Variants in SH3GL3 observed in about 807,000 individuals in gnomAD.
The protein encoded by SH3GL3 is endophilin-A3.
In SH3GL3, 33 loss-of-function variants were observed where a neutral mutation model predicts 47.7. The observed-to-expected ratio is 0.69, with a 90% CI of 0.52 to 0.92. SH3GL3 has a LOEUF of 0.92. Among genes scored for constraint, SH3GL3 ranks in the 40% least tolerant of loss-of-function variants. The pLI is 0.00. For synonymous variants in SH3GL3, 155 were observed against 148.8 expected, an observed-to-expected ratio of 1.04 and a Z score of -0.30; for missense variants, 363 against 417.8, an observed-to-expected ratio of 0.87 and a Z score of 1.14.
chr15:83,613,134 G>C (rs903098964), intron 8 of SH3GL3, among the ~76,000 whole-genome samples: 1 of 152,204 alleles, frequency 6.6e-6, no homozygotes, highest in African/African-American at 2.4e-5. Context: ...GTATAATTCA[G>C]GGCAGCCAGT....
chr15:83,572,036 C>T (rs1340949106), intron 4 of SH3GL3, among the ~76,000 whole-genome samples: 3 of 152,168 alleles, frequency 2.0e-5, no homozygotes, highest in Non-Finnish European at 4.4e-5. Flanking sequence ...GTGACACTGG[C>T]AGGCTTTCTT....
chr15:83,578,605 C>G (rs2059747859), intron 6 of SH3GL3, among the ~76,000 whole-genome samples: 1 of 151,898 alleles, frequency 6.6e-6, no homozygotes, highest in South Asian at 2.1e-4. Flanking sequence ...TTTCCCATGC[C>G]CATTAAACCA....
intron 3 of SH3GL3, among the ~76,000 whole-genome samples, chr15:83,566,363 AGAGTGTGTGTGT>A (rs1352799534): frequency 8.6e-5 from 11 of 128,326 alleles, no homozygotes; most frequent in Middle Eastern, 4.1e-3. Context: ...AGAGAGAGAG[AGAGTGTGTGTGT>A]GTGTGTGTGT....
In SH3GL3 at chr15:83,618,500, T is replaced by G; in HGVS notation, c.*213T>G. On this transcript the variant is annotated 3_prime_UTR_variant, in exon 9 of 9. Transcript: ENST00000427482. Reference sequence around the variant, plus strand: ...TGAAAATATTTTCTTTTTTGCTTCCTGTCCTAAAAGTCATTGGTTAAATGT... The same window carrying G: ...TGAAAATATTTTCTTTTTTGCTTCCGGTCCTAAAAGTCATTGGTTAAATGT... The G allele has an allele frequency of 1.9e-6, 1 of 533,018 alleles. No homozygotes were observed. Among genetic ancestry groups the G allele is most frequent in the Non-Finnish European group, 3.4e-6 (1 of 298,470 alleles). The allele number at this position is 533,018 out of a possible 1,614,324, so 33.0% of individuals were successfully genotyped here. A position where few individuals can be genotyped will look rare whatever the true frequency, so the allele number is the denominator to read the frequency against.
chr15:83,619,757 C>G (rs770572167), downstream of SH3GL3, among the ~76,000 whole-genome samples: 1 of 152,156 alleles, frequency 6.6e-6, no homozygotes, highest in South Asian at 2.1e-4. Context: ...ACTGACTGAT[C>G]AGGGTGGGGT....
At chr15:83,574,774 CGTTTT>C (rs2059630134) in intron 5 of SH3GL3, among the ~76,000 whole-genome samples, 2 of 152,192 alleles carry the variant, frequency 1.3e-5, no homozygotes, top group South Asian at 4.1e-4. Context: ...TCCCTGGTGA[CGTTTT>C]GCTTTGTGCT....
At chr15:83,472,424 G>T (rs552706581) in intron 1 of SH3GL3, among the ~76,000 whole-genome samples, 2 of 151,974 alleles carry the variant, frequency 1.3e-5, no homozygotes, top group East Asian at 3.9e-4. Context: ...TTTTCTCTCT[G>T]TTGTTCAGAT....
intron 1 of SH3GL3, among the ~76,000 whole-genome samples, chr15:83,558,949 G>C (rs2045105590): frequency 6.6e-6 from 1 of 152,138 alleles, no homozygotes; most frequent in Non-Finnish European, 1.5e-5. Context: ...TTTGTGTGTT[G>C]ACTCTTTGGG....
At chr15:83,599,391 C>T (rs1448368789) in intron 8 of SH3GL3, among the ~76,000 whole-genome samples, 1 of 152,176 alleles carries the variant, frequency 6.6e-6, no homozygotes, top group Admixed American at 6.5e-5. Context: ...TTGTATCATT[C>T]TTATGTCTTT....
chr15:83,535,339 G>T (rs1162242541), intron 1 of SH3GL3, among the ~76,000 whole-genome samples: 1 of 152,142 alleles, frequency 6.6e-6, no homozygotes, highest in Non-Finnish European at 1.5e-5. Context: ...GGAGAATGAC[G>T]TACATTAATT....
chr15:83,449,465 C>T (rs1297019750), intron 1 of SH3GL3, among the ~76,000 whole-genome samples: 1 of 152,154 alleles, frequency 6.6e-6, no homozygotes, highest in East Asian at 1.9e-4. Flanking sequence ...AAATGAACCT[C>T]CTCTTTTGAA....
chr15:83,589,294 A>T (rs2060032294), intron 8 of SH3GL3, among the ~76,000 whole-genome samples: 1 of 152,212 alleles, frequency 6.6e-6, no homozygotes, highest in Non-Finnish European at 1.5e-5. Context: ...AGCCACTGTT[A>T]AAAAAATTTG....
chr15:83,612,901 C>T (rs1409679073), intron 8 of SH3GL3, among the ~76,000 whole-genome samples: 1 of 152,198 alleles, frequency 6.6e-6, no homozygotes, highest in African/African-American at 2.4e-5. Context: ...CTGGCTCTAG[C>T]ATGAAAGCCT....
chr15:83,565,693 A>G (rs1251793838), intron 3 of SH3GL3: 1 of 152,286 alleles, frequency 6.6e-6, no homozygotes, highest in Non-Finnish European at 1.5e-5. Flanking sequence ...TCTCCACTGA[A>G]GGTCTGGGTT....
At chr15:83,627,134 C>T in the SH3GL3 span, among the ~76,000 whole-genome samples, 1 of 152,162 alleles carries the variant, frequency 6.6e-6, no homozygotes, top group East Asian at 1.9e-4. Context: ...CGGTGGCTCA[C>T]ACCTTGTAAT....
At position 83,587,057 on chromosome 15, in the gene SH3GL3, G is replaced by T. The variant is rs757729688; in HGVS notation, c.699G>T (p.Leu233=). 1.5e-5 allele frequency: 24 copies of T among 1,608,418 alleles called. No homozygotes were observed. Among genetic ancestry groups the T allele is most frequent in the Non-Finnish European group, 2.0e-5 (24 of 1,176,532 alleles). ...ATCACAGACAGTCCACAGAGATTCT[G>T]CAGGAGCTGCAGAGCAAGCTACAGA... ...LDYHRQSTEI[L]QELQSKLQMR... The change falls in exon 7 of 9, where the codon CTG becomes CTT. Residue 233 remains leucine, a synonymous_variant. Coordinates refer to ENST00000427482, the MANE Select transcript of SH3GL3 (RefSeq NM_003027.5).
At chr15:83,458,167 G>A (rs2040091220) in intron 1 of SH3GL3, among the ~76,000 whole-genome samples, 1 of 152,166 alleles carries the variant, frequency 6.6e-6, no homozygotes, top group Non-Finnish European at 1.5e-5. Context: ...AGCAAAATGT[G>A]GACAGTTAGA....
At chr15:83,537,779 C>T (rs1457552410) in intron 1 of SH3GL3, among the ~76,000 whole-genome samples, 3 of 152,146 alleles carry the variant, frequency 2.0e-5, no homozygotes, top group African/African-American at 4.8e-5. Flanking sequence ...GCTCTCTAAT[C>T]CCATCTGCTC....
At chr15:83,579,960 G>A (rs1210449482) in intron 6 of SH3GL3, among the ~76,000 whole-genome samples, 6 of 152,300 alleles carry the variant, frequency 3.9e-5, no homozygotes, top group East Asian at 1.9e-4. Context: ...TGCCAATGCC[G>A]ATACTGCCTG....
Sources: allele counts gnomAD v4.1 joint callset (sites outside exome capture counted in the v4.1 genomes callset), GRCh38; gene constraint gnomAD v4.1.1; transcripts MANE v1.5; gene names NCBI Gene and HGNC (gene_info 2026-07-23, HGNC 2026-07-21).